The following MEF2A variants were observed in gnomAD, a reference collection of about 807,000 sequenced individuals.
MEF2A encodes the protein myocyte-specific enhancer factor 2A.
In MEF2A, 28 loss-of-function variants were observed where a neutral mutation model predicts 55.8. The observed-to-expected ratio is 0.50, with a 90% CI of 0.37 to 0.69. The LOEUF is 0.69. MEF2A is among the 30% of genes least tolerant of loss of function. MEF2A has a pLI of 0.00. For synonymous variants in MEF2A, 239 were observed against 227.1 expected (o/e 1.05, Z -0.47); for missense variants, 528 against 626.2 (o/e 0.84, Z 1.67).
chr15:99,692,745 C>T (rs968198997), intron 8 of MEF2A, among the ~76,000 whole-genome samples: 2 of 152,186 alleles, frequency 1.3e-5, no homozygotes, highest in Non-Finnish European at 2.9e-5. Context: ...AGCCACTACA[C>T]TAGGGGCAAA....
At chr15:99,676,931 G>A (rs373686681) in intron 7 of MEF2A, among the ~76,000 whole-genome samples, 1 of 151,882 alleles carries the variant, frequency 6.6e-6, no homozygotes, top group South Asian at 2.1e-4. Flanking sequence ...AATAAGCCTG[G>A]CCCACATGGC....
At chr15:99,613,804 C>G (rs747519440) in intron 2 of MEF2A, among the ~76,000 whole-genome samples, 7 of 152,136 alleles carry the variant, frequency 4.6e-5, no homozygotes, top group African/African-American at 1.7e-4. Flanking sequence ...TAACGGGGAA[C>G]GTATTGACAT....
At chr15:99,686,443 G>A (rs1356146983) in intron 7 of MEF2A, among the ~76,000 whole-genome samples, 2 of 152,092 alleles carry the variant, frequency 1.3e-5, no homozygotes, top group Non-Finnish European at 2.9e-5. Context: ...GCATTTGTTT[G>A]TCTGAAAAAG....
rs2059140637 is a variant in MEF2A, at chr15:99,716,251, G to A, written c.*3480G>A. On this transcript the variant is annotated 3_prime_UTR_variant, in exon 12 of 12. Coordinates refer to ENST00000557942, the MANE Select transcript of MEF2A (RefSeq NM_001319206.4). ...ACAGTTCACACAAGAAGCTGTACAC[G>A]GTTTGATCATGTAAAACCGTTTGGC... 6.0e-6 allele frequency: 2 copies of A among 332,182 alleles called. No individual in the cohort carries two copies. The highest frequency in any genetic ancestry group is 7.7e-5 in the East Asian group (1 of 12,966). The allele number at this position is 332,182 out of a possible 1,614,324, so 20.6% of individuals were successfully genotyped here.
intron 1 of MEF2A, among the ~76,000 whole-genome samples, chr15:99,595,394 T>C (rs1970812867): frequency 1.3e-5 from 2 of 152,256 alleles, no homozygotes; most frequent in South Asian, 4.1e-4. Flanking sequence ...TTAAGGACTT[T>C]TCCACCAACC....
At chr15:99,658,104 C>T (rs116480056) in intron 4 of MEF2A, among the ~76,000 whole-genome samples, 256 of 152,224 alleles carry the variant, frequency 1.7e-3, no homozygotes, top group African/African-American at 5.8e-3. Context: ...CAGCAGGATA[C>T]AGCAGAAAAT....
intron 1 of MEF2A, among the ~76,000 whole-genome samples, chr15:99,580,003 A>AT (rs1415522411): frequency 6.6e-6 from 1 of 152,122 alleles, no homozygotes; most frequent in Non-Finnish European, 1.5e-5. Flanking sequence ...AATCAAGAGA[A>AT]TTTTGAAATT....
At chr15:99,611,632 ATGT>A (rs1977323986) in intron 2 of MEF2A, among the ~76,000 whole-genome samples, 1 of 152,242 alleles carries the variant, frequency 6.6e-6, no homozygotes, top group Admixed American at 6.5e-5. Context: ...CAAAAGTTAA[ATGT>A]TGTTACCATA....
Position 99,606,702 on chromosome 15 carries a change from C to A in MEF2A, c.-143+8191C>A, listed in dbSNP as rs139857617. On this transcript the variant is annotated intron_variant, in intron 2 of 11. Coordinates refer to ENST00000557942, the MANE Select transcript of MEF2A (RefSeq NM_001319206.4). ...CTCCACCATATGCCCACTAGAATGG[C>A]TGAAATTTTAAAAAGGGATTTATAG... Among the ~76,000 whole-genome samples, 457 of 152,188 alleles carry A rather than the reference C, an allele frequency of 3.0e-3. 4 individuals are homozygous for A. The highest frequency in any genetic ancestry group is 0.01 in the African/African-American group (429 of 41,544).
intron 3 of MEF2A, among the ~76,000 whole-genome samples, chr15:99,642,058 C>T (rs1180623478): frequency 6.6e-6 from 1 of 151,974 alleles, no homozygotes; most frequent in East Asian, 1.9e-4. Context: ...TGTTATACTT[C>T]CTGAGTTTTT....
intron 1 of MEF2A, among the ~76,000 whole-genome samples, chr15:99,585,561 G>C (rs187273021): frequency 3.9e-5 from 6 of 152,174 alleles, no homozygotes; most frequent in African/African-American, 1.4e-4. Context: ...TGTAATATTT[G>C]CCTTTCTGAT....
In MEF2A at chr15:99,674,505, C is replaced by A. The variant is rs751746032; in HGVS notation, c.503C>A (p.Ala168Asp). The A allele has an allele frequency of 2.5e-6, 4 of 1,613,932 alleles. No homozygotes were observed. The Admixed American group carries it at 6.7e-5, about 27-fold the overall frequency. Reference protein sequence around the residue: ...GSSLVSPSLAASSTLTDSSML... With the variant: ...GSSLVSPSLADSSTLTDSSML... The stretch of plus-strand genomic sequence containing the variant: ...TCACTGGTGTCCCCATCTTTGGCAG[C>A]CAGCTCAACGTTAACAGATTCAAGC... Residue 168 changes from alanine to aspartate, a missense_variant, in exon 6 of 12, where the codon GCC (alanine) becomes GAC (aspartate). Coordinates refer to ENST00000557942, the MANE Select transcript of MEF2A (RefSeq NM_001319206.4).
intron 1 of MEF2A, among the ~76,000 whole-genome samples, chr15:99,580,511 G>A (rs373211626): frequency 9.2e-5 from 14 of 152,254 alleles, no homozygotes; most frequent in African/African-American, 2.2e-4. Flanking sequence ...TAGAGTCTCC[G>A]GAAGGTATTG....
At chr15:99,702,087 T>C (rs1455602424) in intron 8 of MEF2A, among the ~76,000 whole-genome samples, 1 of 152,224 alleles carries the variant, frequency 6.6e-6, no homozygotes, top group African/African-American at 2.4e-5. Context: ...AGCTATAATG[T>C]TAGACAGTAT....
At chr15:99,668,118 A>C (rs745574151) in intron 4 of MEF2A, among the ~76,000 whole-genome samples, 6 of 152,198 alleles carry the variant, frequency 3.9e-5, no homozygotes, top group Non-Finnish European at 7.3e-5. Flanking sequence ...TAAATAGAAA[A>C]ATGATTGTTT....
chr15:99,630,519 G>A (rs185213531), intron 2 of MEF2A, among the ~76,000 whole-genome samples: 43 of 152,084 alleles, frequency 2.8e-4, no homozygotes, highest in Non-Finnish European at 5.0e-4. Flanking sequence ...CCATTATCTG[G>A]ATCTACTGTG....
intron 4 of MEF2A, among the ~76,000 whole-genome samples, chr15:99,653,714 A>G (rs1023786285): frequency 6.6e-6 from 1 of 152,186 alleles, no homozygotes; most frequent in African/African-American, 2.4e-5. Flanking sequence ...TTAAAATGTT[A>G]GTGATTTTTA....
At chr15:99,619,339 C>A (rs774078895) in intron 2 of MEF2A, among the ~76,000 whole-genome samples, 4 of 152,262 alleles carry the variant, frequency 2.6e-5, no homozygotes, top group Middle Eastern at 3.4e-3. Flanking sequence ...CAGAATACAG[C>A]GGTTGGAGTG....
intron 8 of MEF2A, among the ~76,000 whole-genome samples, chr15:99,697,843 T>G (rs1213888002): frequency 6.6e-6 from 1 of 152,218 alleles, no homozygotes; most frequent in Non-Finnish European, 1.5e-5. Context: ...AAAGCTATAG[T>G]AATCCAGAAA....
Sources: allele counts gnomAD v4.1 joint callset (sites outside exome capture counted in the v4.1 genomes callset), GRCh38; gene constraint gnomAD v4.1.1; transcripts MANE v1.5; gene names NCBI Gene and HGNC (gene_info 2026-07-23, HGNC 2026-07-21).